The following AOPEP variants were observed in gnomAD, a reference collection of about 807,000 sequenced individuals.
The protein encoded by AOPEP is aminopeptidase O.
Under a neutral mutation model 98.1 loss-of-function variants are expected in AOPEP, and 77 were observed. The ratio of observed to expected loss-of-function variants is 0.78; its 90% CI spans 0.65 to 0.95. The LOEUF is 0.95. AOPEP is among the 40% of genes least tolerant of loss of function. The pLI, the probability that AOPEP is intolerant of heterozygous loss-of-function variation, is 0.00. For missense variants in AOPEP, 1,024 were observed against 1,024.7 expected (o/e 1.00, Z 0.01); for synonymous variants, 346 against 365.3 (o/e 0.95, Z 0.60).
In AOPEP at chr9:94,955,921, T is replaced by C. The variant is rs200660380; in HGVS notation, c.1778T>C (p.Leu593Pro). ...TCTTTCTTCTAGGGCTACTTCCTTCTTCGGTTTCTTGCCAAAAGACTTGGA... is the reference window on the plus strand; with the variant it reads ...TCTTTCTTCTAGGGCTACTTCCTTCCTCGGTTTCTTGCCAAAAGACTTGGA... The part of the protein sequence containing the change: ...QVHYLKGYFL[L>P]RFLAKRLGDE... The change falls in exon 9 of 17, where the codon CTT becomes CCT. Residue 593 changes from leucine (L) to proline (P), a missense_variant. Physicochemically the swap from Leu to Pro is moderately conservative, Grantham distance 98. Transcript: ENST00000375315. 15 of 1,611,820 alleles carry C rather than the reference T, an allele frequency of 9.3e-6. No homozygotes were observed. In the Admixed American group the frequency reaches 1.3e-4, roughly 14 times the overall value.
chr9:94,929,941 G>A (rs2055020808), intron 7 of AOPEP, among the ~76,000 whole-genome samples: 1 of 152,210 alleles, frequency 6.6e-6, no homozygotes, highest in East Asian at 1.9e-4. Flanking sequence ...GAAGGGCAGT[G>A]TGGCTGGAAA....
At chr9:94,996,150 G>T (rs1178412333) in intron 11 of AOPEP, among the ~76,000 whole-genome samples, 1 of 152,076 alleles carries the variant, frequency 6.6e-6, no homozygotes, top group Non-Finnish European at 1.5e-5. Flanking sequence ...TTCATCCACC[G>T]CTGGAGAAAA....
intron 9 of AOPEP, among the ~76,000 whole-genome samples, chr9:94,960,534 T>C (rs1369871708): frequency 6.6e-6 from 1 of 152,208 alleles, no homozygotes; most frequent in East Asian, 1.9e-4. Flanking sequence ...CAAAATTGAC[T>C]ATAACCATAA....
intron 7 of AOPEP, chr9:94,932,378 C>A: frequency 1.6e-6 from 1 of 636,990 alleles, no homozygotes; most frequent in Non-Finnish European, 2.0e-6. Flanking sequence ...CTCTGACTTA[C>A]TAGTTTTAGT....
chr9:95,097,814 G>A, the AOPEP span, among the ~76,000 whole-genome samples: 7,642 of 152,250 alleles, frequency 0.05, 274 homozygotes, highest in Admixed American at 0.083. Flanking sequence ...ACCAATTGTG[G>A]AACTGGATTT....
intron 1 of AOPEP, among the ~76,000 whole-genome samples, chr9:94,741,518 G>A (rs535289287): frequency 7.2e-5 from 11 of 152,070 alleles, no homozygotes; most frequent in South Asian, 4.2e-4. Flanking sequence ...TCATCTGCCC[G>A]TCTCGGCCTC....
chr9:95,139,586 T>C, the AOPEP span, among the ~76,000 whole-genome samples: 2 of 151,960 alleles, frequency 1.3e-5, no homozygotes, highest in South Asian at 2.1e-4. Flanking sequence ...ATGAGCTGGA[T>C]CTGTGTCCTG....
chr9:95,116,791 G>A, the AOPEP span, among the ~76,000 whole-genome samples: 1 of 152,200 alleles, frequency 6.6e-6, no homozygotes, highest in Non-Finnish European at 1.5e-5. Context: ...TGGAAGGCTG[G>A]CAAAGGATAT....
chr9:94,828,143 A>G (rs1231632179), intron 5 of AOPEP, among the ~76,000 whole-genome samples: 4 of 152,032 alleles, frequency 2.6e-5, no homozygotes, highest in Non-Finnish European at 5.9e-5. Context: ...ATAGATGTTT[A>G]TTTCTCCCAC....
At chr9:95,095,374 G>A in the AOPEP span, among the ~76,000 whole-genome samples, 1 of 152,154 alleles carries the variant, frequency 6.6e-6, no homozygotes, top group Admixed American at 6.5e-5. Flanking sequence ...CTTCTGCCAC[G>A]CTGTGGAAAA....
chr9:95,123,283 G>A, the AOPEP span: 3 of 284,030 alleles, frequency 1.1e-5, no homozygotes, highest in Non-Finnish European at 2.0e-5. Flanking sequence ...CAGCCTTGGT[G>A]GCAGAGTAAG....
At chr9:95,051,076 T>TAAAATG (rs2066304177) in intron 13 of AOPEP, among the ~76,000 whole-genome samples, 1 of 146,638 alleles carries the variant, frequency 6.8e-6, no homozygotes. Context: ...CTCTAAAATG[T>TAAAATG]TTTTGTGGCT....
At chr9:95,090,543 C>A (rs1490765119), downstream of AOPEP, among the ~76,000 whole-genome samples, 1 of 150,576 alleles carries the variant, frequency 6.6e-6, no homozygotes, top group Non-Finnish European at 1.5e-5. Context: ...GCCCAGAGGG[C>A]CCCCCCTTCG....
At chr9:94,739,217 C>G (rs760435803) in intron 1 of AOPEP, among the ~76,000 whole-genome samples, 21 of 152,326 alleles carry the variant, frequency 1.4e-4, no homozygotes, top group Non-Finnish European at 1.5e-5. Flanking sequence ...CCGTACTTTC[C>G]TTAGCTCCCA....
At chr9:95,073,800 A>G (rs2068755656) in intron 14 of AOPEP, among the ~76,000 whole-genome samples, 1 of 152,236 alleles carries the variant, frequency 6.6e-6, no homozygotes, top group African/African-American at 2.4e-5. Flanking sequence ...CAGAGGTTGC[A>G]GTGAGCCGAG....
chr9:94,792,672 C>G, intron 3 of AOPEP, 93 bp from the exon 4 acceptor site: 1 of 1,251,208 alleles, frequency 8.0e-7, no homozygotes, highest in South Asian at 2.0e-5. Flanking sequence ...CAGCTTATCA[C>G]AAAAGCTCTT....
chr9:94,928,313 G>A (rs1026189362), intron 6 of AOPEP, 112 bp from the exon 7 acceptor site: 23 of 757,752 alleles, frequency 3.0e-5, no homozygotes, highest in Non-Finnish European at 4.7e-5. Context: ...AGCAAGGTGA[G>A]AGCAGGGGCA....
chr9:94,826,705 G>A (rs568253797), intron 5 of AOPEP, among the ~76,000 whole-genome samples: 1 of 152,226 alleles, frequency 6.6e-6, no homozygotes, highest in South Asian at 2.1e-4. Flanking sequence ...TAATAATGAT[G>A]GTGGTGGTGG....
chr9:95,099,316 T>G, the AOPEP span: 1 of 225,758 alleles, frequency 4.4e-6, no homozygotes, highest in East Asian at 6.4e-5. Context: ...CTGTCGCACC[T>G]CTGAAGACCT....
Sources: gnomAD v4.1 joint callset for allele counts (sites outside exome capture counted in the v4.1 genomes callset) on GRCh38, gnomAD v4.1.1 for gene constraint, MANE v1.5 for transcripts, NCBI Gene and HGNC (gene_info 2026-07-23, HGNC 2026-07-21) for gene names.